Variants in SEMA3C observed in about 807,000 individuals in gnomAD.
SEMA3C encodes semaphorin-3C.
SEMA3C carries 47 observed loss-of-function variants against 89.4 expected under a neutral mutation model. The ratio of observed to expected loss-of-function variants is 0.53; its 90% confidence interval spans 0.42 to 0.67. The LOEUF is 0.67. Among genes scored for constraint, SEMA3C ranks in the 30% least tolerant of loss-of-function variants. SEMA3C has a pLI of 0.00. For synonymous variants in SEMA3C, 310 were observed against 320.2 expected, an observed-to-expected ratio of 0.97 and a Z score of 0.34; for missense variants, 839 against 929.1, an observed-to-expected ratio of 0.90 and a Z score of 1.26.
intron 12 of SEMA3C, among the ~76,000 whole-genome samples, chr7:80,777,114 T>C (rs1450533712): frequency 6.6e-6 from 1 of 152,180 alleles, no homozygotes; most frequent in African/African-American, 2.4e-5. Context: ...AGTAAATCTA[T>C]AAAGTCTACT....
At chr7:80,817,562 A>C (rs929822400) in intron 5 of SEMA3C, among the ~76,000 whole-genome samples, 1 of 152,066 alleles carries the variant, frequency 6.6e-6, no homozygotes, top group African/African-American at 2.4e-5. Context: ...GTGGACTGGG[A>C]TAACAAAGAC....
chr7:80,910,026 A>G (rs960884059), intron 2 of SEMA3C, among the ~76,000 whole-genome samples: 1 of 152,162 alleles, frequency 6.6e-6, no homozygotes, highest in Admixed American at 6.5e-5. Flanking sequence ...GTTAATACTC[A>G]TATTAATAGC....
intron 16 of SEMA3C, among the ~76,000 whole-genome samples, chr7:80,750,431 CGTACATAT>C (rs1787897467): frequency 1.4e-5 from 1 of 73,314 alleles, no homozygotes; most frequent in Non-Finnish European, 2.5e-5. Context: ...TACATACATA[CGTACATAT>C]ATATATATAT....
intron 16 of SEMA3C, among the ~76,000 whole-genome samples, chr7:80,750,467 T>TACACACACAC (rs1400593051): frequency 5.3e-4 from 33 of 61,786 alleles, no homozygotes; most frequent in Non-Finnish European, 7.7e-4. Flanking sequence ...TATATATATA[T>TACACACACAC]ATATATACAC....
intron 4 of SEMA3C, among the ~76,000 whole-genome samples, chr7:80,823,344 C>T (rs1423650913): frequency 6.6e-6 from 1 of 152,104 alleles, no homozygotes; most frequent in Non-Finnish European, 1.5e-5. Flanking sequence ...TTTAAGTCTC[C>T]AAGGTCGAAG....
chr7:80,835,696 A>G (rs1185581961), intron 2 of SEMA3C, among the ~76,000 whole-genome samples: 1 of 152,220 alleles, frequency 6.6e-6, no homozygotes, highest in East Asian at 1.9e-4. Context: ...TATTAAAACC[A>G]TATTTGCTCA....
intron 2 of SEMA3C, among the ~76,000 whole-genome samples, chr7:80,841,380 T>A (rs1053470590): frequency 2.6e-5 from 4 of 152,160 alleles, no homozygotes; most frequent in Admixed American, 2.0e-4. Flanking sequence ...ATTCTCATAA[T>A]CCTGGGGGCT....
At chr7:80,847,805 CACA>C (rs1790425000) in intron 2 of SEMA3C, among the ~76,000 whole-genome samples, 1 of 152,112 alleles carries the variant, frequency 6.6e-6, no homozygotes, top group Admixed American at 6.6e-5. Flanking sequence ...AGAGAGGGGG[CACA>C]ACAACAACCT....
rs963989581 is a variant in SEMA3C at position 80,768,446 on chromosome 7, G to A, written c.1355-3203C>T. Among the ~76,000 whole-genome samples, 11 of 151,980 alleles carry A rather than the reference G, an allele frequency of 7.2e-5. No individual in the cohort carries two copies. The East Asian group carries it at 9.7e-4, about 13-fold the overall frequency. ...GGAGAATGGTGTGAACCTGGGAGGC[G>A]GAGCTTGCAGTGAGCCAAGATCGCG... is the stretch of plus-strand genomic sequence containing the variant. On this transcript the variant is annotated intron_variant, in intron 12 of 17. Coordinates refer to ENST00000265361, the MANE Select transcript of SEMA3C (RefSeq NM_006379.5).
intron 2 of SEMA3C, among the ~76,000 whole-genome samples, chr7:80,901,320 C>T (rs1437433245): frequency 6.6e-6 from 1 of 152,074 alleles, no homozygotes; most frequent in Non-Finnish European, 1.5e-5. Context: ...TAGTGTTGTC[C>T]AGAAGTAATT....
intron 17 of SEMA3C, among the ~76,000 whole-genome samples, chr7:80,745,705 T>C (rs1160631933): frequency 6.6e-6 from 1 of 152,174 alleles, no homozygotes; most frequent in Non-Finnish European, 1.5e-5. Flanking sequence ...CCTGGTGTTC[T>C]AGTCTTTTAT....
At chr7:80,745,883 T>C (rs1787789143) in intron 17 of SEMA3C, among the ~76,000 whole-genome samples, 1 of 152,168 alleles carries the variant, frequency 6.6e-6, no homozygotes, top group South Asian at 2.1e-4. Context: ...ATAAACAATG[T>C]CTAAAAATTA....
rs1035572615 is a variant in SEMA3C at position 80,780,587 on chromosome 7, A to C, written c.1354+8719T>G. 1.1e-4 allele frequency among the ~76,000 whole-genome samples: 17 copies of C among 152,208 alleles called. No homozygotes were observed. In the South Asian group the frequency reaches 1.2e-3, roughly 11 times the overall value. ...AAATTATTACCAATTTAGTGTCTTA[A>C]AAACACACATTAAAGGCCAGGTGCA... is the stretch of plus-strand genomic sequence containing the variant. On this transcript the variant is annotated intron_variant, in intron 12 of 17. Transcript: ENST00000265361.
intron 12 of SEMA3C, among the ~76,000 whole-genome samples, chr7:80,788,721 G>A (rs1344988441): frequency 6.6e-6 from 1 of 152,074 alleles, no homozygotes; most frequent in East Asian, 1.9e-4. Context: ...GTCTATATTT[G>A]AGTCACATTC....
chr7:80,856,738 A>G (rs1414917293), intron 2 of SEMA3C, among the ~76,000 whole-genome samples: 3 of 152,116 alleles, frequency 2.0e-5, no homozygotes, highest in African/African-American at 7.2e-5. Flanking sequence ...AAACTCATCC[A>G]CTACAAACAT....
At chr7:80,865,061 T>G (rs1370435598) in intron 2 of SEMA3C, among the ~76,000 whole-genome samples, 1 of 152,208 alleles carries the variant, frequency 6.6e-6, no homozygotes, top group Non-Finnish European at 1.5e-5. Flanking sequence ...CTAACCAATC[T>G]TAATCATTTG....
intron 12 of SEMA3C, among the ~76,000 whole-genome samples, chr7:80,783,618 AATTTTACATGGGGT>A (rs1246213479): frequency 6.6e-6 from 1 of 152,172 alleles, no homozygotes; most frequent in Non-Finnish European, 1.5e-5. Context: ...CCAGCTATCA[AATTTTACATGGGGT>A]ATTTTAAGGA....
chr7:80,808,236 C>G (rs1439388164), intron 6 of SEMA3C, among the ~76,000 whole-genome samples: 2 of 152,100 alleles, frequency 1.3e-5, no homozygotes, highest in African/African-American at 4.8e-5. Context: ...AGATAAAACT[C>G]CAGTAGCAGC....
chr7:80,761,753 AC>A (rs1788187993), intron 13 of SEMA3C, 96 bp from the exon 14 acceptor site: 3 of 677,358 alleles, frequency 4.4e-6, no homozygotes, highest in Non-Finnish European at 7.4e-6. Flanking sequence ...AGAAGAAATC[AC>A]TTTTCTTTAT....
Sources: gnomAD v4.1 joint callset for allele counts (sites outside exome capture counted in the v4.1 genomes callset) on GRCh38, gnomAD v4.1.1 for gene constraint, MANE v1.5 for transcripts, NCBI Gene and HGNC (gene_info 2026-07-23, HGNC 2026-07-21) for gene names.